DNAI2: variants seen among roughly 807,000 people sequenced by gnomAD.
DNAI2 encodes dynein axonemal intermediate chain 2.
DNAI2 carries 63 observed loss-of-function variants against 74.7 expected under a neutral mutation model. The ratio of observed to expected loss-of-function variants is 0.84; its 90% confidence interval spans 0.69 to 1.04. The LOEUF (loss-of-function observed/expected upper bound fraction) is 1.04. DNAI2 is among the 50% of genes least tolerant of loss of function. The probability of loss-of-function intolerance (pLI) is 0.00; values close to 1 mark genes in which losing one functional copy is unlikely to be tolerated. For missense variants in DNAI2, 688 were observed against 803.2 expected (o/e 0.86, Z 1.73); for synonymous variants, 289 against 314.9 (o/e 0.92, Z 0.87).
rs144344097 is a variant in DNAI2 at position 74,309,705 on chromosome 17, G to T, written c.1348-312G>T. On this transcript the variant is annotated intron_variant, in intron 10 of 13. Coordinates refer to ENST00000311014, the MANE Select transcript of DNAI2 (RefSeq NM_023036.6). ...CCTTCAGAGCCCCTGGGGTTTGGCT[G>T]CTGGACCTTCCCCTTCATGTCAGGG... 453 of 637,516 alleles carry T rather than the reference G, an allele frequency of 7.1e-4. 4 individuals are homozygous for T. In the African/African-American group the frequency reaches 7.3e-3, roughly 10 times the overall value. The allele number at this position is 637,516 out of a possible 1,614,324, so 39.5% of individuals were successfully genotyped here.
chr17:74,298,666 G>A (rs559276153), intron 6 of DNAI2, among the ~76,000 whole-genome samples: 17 of 152,092 alleles, frequency 1.1e-4, no homozygotes, highest in Admixed American at 1.0e-3. Context: ...GTAGTGGCAC[G>A]ATCATGGCTC....
chr17:74,309,278 G>A lies in DNAI2; in HGVS notation c.1237G>A (p.Ala413Thr), dbSNP rs200693763. Residue 413 changes from alanine to threonine, a missense_variant, in exon 10 of 14, where the codon GCT becomes ACT. Physicochemically the swap from Ala to Thr is moderately conservative, Grantham distance 58. Transcript: ENST00000311014. ...GTACCACATGGCTTACCTCACTGAT[G>A]CTGCCTGGAGCCCCGTGAGGCCGAC... The part of the protein sequence containing the change: ...TKYHMAYLTD[A>T]AWSPVRPTVF... The A allele has an allele frequency of 6.2e-7, 1 of 1,614,098 alleles. No individual in the cohort carries two copies. Among genetic ancestry groups the A allele is most frequent in the East Asian group, 2.2e-5 (1 of 44,878 alleles).
rs1336926941 is a variant in DNAI2, at chr17:74,312,073, A to G, written c.1565A>G (p.Lys522Arg). Residue 522 changes from lysine (K) to arginine (R), a missense_variant, in exon 12 of 14, where the codon AAG becomes AGG. By Grantham distance (26) the Lys-to-Arg change is conservative. Coordinates refer to ENST00000311014, the MANE Select transcript of DNAI2 (RefSeq NM_023036.6). ...ARHREMRLKE[K>R]GKAEGRDEEQ... is the part of the protein sequence containing the mutation. ...CACCGGGAGATGCGGCTGAAGGAGAAGGGTAAGGCGGAGGGCAGGGATGAG... is the reference window on the plus strand; with the variant it reads ...CACCGGGAGATGCGGCTGAAGGAGAGGGGTAAGGCGGAGGGCAGGGATGAG... The G allele has an allele frequency of 1.2e-6, 2 of 1,613,046 alleles. No individual in the cohort carries two copies. Among genetic ancestry groups the G allele is most frequent in the Non-Finnish European group, 1.7e-6 (2 of 1,179,858 alleles).
Position 74,291,164 on chromosome 17 carries a change from A to AT in DNAI2, c.724+36dup. On this transcript the variant is annotated intron_variant, in intron 6 of 13. Coordinates refer to ENST00000311014, the MANE Select transcript of DNAI2 (RefSeq NM_023036.6). ...GAGGGACCTAGGCTTTTTTATTTTT[A>AT]TTTTTATTTTTTTTAGATGGAATTT... The AT allele has an allele frequency of 3.3e-6, 5 of 1,527,314 alleles. No homozygotes were observed. In the East Asian group the frequency reaches 9.0e-5, roughly 28 times the overall value. 94.6% of individuals were successfully genotyped at this position (1,527,314 alleles called of 1,614,324 possible).
At chr17:74,287,186 A>G in intron 4 of DNAI2, 88 bp downstream of exon 4, 3 of 1,561,430 alleles carry the variant, frequency 1.9e-6, no homozygotes, top group South Asian at 2.3e-5. Flanking sequence ...CCATCGCTGC[A>G]TGCCCTGGGT....
rs890396642 is a variant in DNAI2, at chr17:74,300,602, A to C, written c.865-444A>C. On this transcript the variant is annotated intron_variant, in intron 7 of 13. Coordinates refer to ENST00000311014, the MANE Select transcript of DNAI2 (RefSeq NM_023036.6). The surrounding 1 kb of genome is among the most constrained non-coding windows in gnomAD (Gnocchi z 4.5). The stretch of plus-strand genomic sequence containing the variant: ...TTCTAATATTTTGTTGCTACCCCCC[A>C]AAAAATACAGCAAAGAGCATCTTTA... 7.2e-5 allele frequency among the ~76,000 whole-genome samples: 11 copies of C among 152,328 alleles called. 1 individual carries two copies. Among genetic ancestry groups the C allele is most frequent in the South Asian group, 2.1e-4 (1 of 4,830 alleles).
intron 8 of DNAI2, among the ~76,000 whole-genome samples, chr17:74,301,923 G>A (rs1352768186): frequency 2.6e-4 from 4 of 15,264 alleles, no homozygotes; most frequent in African/African-American, 5.8e-4. Flanking sequence ...AGGAAGGAAG[G>A]AAGGAAGGAA....
chr17:74,281,631 T>A, intron 1 of DNAI2, 176 bp from the exon 2 acceptor site: 1 of 633,752 alleles, frequency 1.6e-6, no homozygotes, highest in East Asian at 2.7e-5. Flanking sequence ...TAGTCGGCAC[T>A]CAGGATTTTT....
At chr17:74,303,809 TG>T (rs1567867915) in intron 8 of DNAI2, among the ~76,000 whole-genome samples, 2 of 152,080 alleles carry the variant, frequency 1.3e-5, no homozygotes, top group African/African-American at 4.8e-5. Flanking sequence ...TAAAACAATA[TG>T]TTTTTTAAAA....
Position 74,289,475 on chromosome 17 carries a change from C to T in DNAI2, c.468-119C>T, listed in dbSNP as rs1036864422. 4.3e-5 allele frequency: 57 copies of T among 1,337,410 alleles called. No individual in the cohort carries two copies. The African/African-American group carries it at 7.1e-4, about 17-fold the overall frequency. 82.8% of individuals were successfully genotyped at this position (1,337,410 alleles called of 1,614,324 possible). On this transcript the variant is annotated intron_variant, in intron 4 of 13. Coordinates refer to ENST00000311014, the MANE Select transcript of DNAI2 (RefSeq NM_023036.6). Reference sequence around the variant, plus strand: ...CCAGGAGGCAGAGGTTGCAGTGAGCCGAGATTATGCCACTGCCTGGGGGAC... The same window carrying T: ...CCAGGAGGCAGAGGTTGCAGTGAGCTGAGATTATGCCACTGCCTGGGGGAC...
At chr17:74,291,270 C>T (rs2052080377) in intron 6 of DNAI2, 137 bp downstream of exon 6, 1 of 671,774 alleles carries the variant, frequency 1.5e-6, no homozygotes, top group South Asian at 1.7e-5. Flanking sequence ...AAGTGATTCT[C>T]CTGCCTCAGC....
chr17:74,303,895 G>A (rs537248899), intron 8 of DNAI2, among the ~76,000 whole-genome samples: 1 of 152,142 alleles, frequency 6.6e-6, no homozygotes, highest in Non-Finnish European at 1.5e-5. Flanking sequence ...GGAAGCCGAT[G>A]TGTGCAGATC....
chr17:74,293,845 G>A (rs1004255428), intron 6 of DNAI2, among the ~76,000 whole-genome samples: 2 of 151,888 alleles, frequency 1.3e-5, no homozygotes, highest in African/African-American at 2.4e-5. Context: ...GTGCAGTGGC[G>A]TGATCTCGGC....
In DNAI2 at chr17:74,313,521, T is replaced by C. The variant is rs1007057947; in HGVS notation, c.1723-600T>C. ...AGGCAAAGATGACACTGGCCACCTT[T>C]TACAACGCAATGGTGGCTGGTAGGC... is the stretch of plus-strand genomic sequence containing the variant. On this transcript the variant is annotated intron_variant, in intron 12 of 13. Coordinates refer to ENST00000311014, the MANE Select transcript of DNAI2 (RefSeq NM_023036.6). 3.9e-5 allele frequency among the ~76,000 whole-genome samples: 6 copies of C among 152,124 alleles called. No homozygotes were observed. In the East Asian group the frequency reaches 1.2e-3, roughly 29 times the overall value.
rs1356199926 is a variant in DNAI2, at chr17:74,314,853, C to T, written c.*320C>T. The T allele has an allele frequency of 6.0e-6, 1 of 165,654 alleles. No individual in the cohort carries two copies. Among genetic ancestry groups the T allele is most frequent in the Non-Finnish European group, 1.3e-5 (1 of 74,256 alleles). The allele number at this position is 165,654 out of a possible 1,614,324, so 10.3% of individuals were successfully genotyped here. On this transcript the variant is annotated 3_prime_UTR_variant, in exon 14 of 14. Coordinates refer to ENST00000311014, the MANE Select transcript of DNAI2 (RefSeq NM_023036.6). ...CTGAATGCTTTCTGTTATCCTAATT[C>T]TTGTAAAATTAAATGAATCGTAACA...
chr17:74,301,981 AGG>A (rs2052845427), intron 8 of DNAI2, among the ~76,000 whole-genome samples: 1 of 40,048 alleles, frequency 2.5e-5, no homozygotes. Context: ...GAAGGAAGGA[AGG>A]AAGGAAGGAA....
In DNAI2 at chr17:74,314,572, C is replaced by T. The variant is rs1427021591; in HGVS notation, c.*56-17C>T. 6.2e-6 allele frequency: 2 copies of T among 320,070 alleles called. No homozygotes were observed. Among genetic ancestry groups the T allele is most frequent in the South Asian group, 2.7e-5 (1 of 36,428 alleles). The allele number at this position is 320,070 out of a possible 1,614,324, so 19.8% of individuals were successfully genotyped here. A position where few individuals can be genotyped will look rare whatever the true frequency, so the allele number is the denominator to read the frequency against. On this transcript the variant is annotated splice_polypyrimidine_tract_variant and intron_variant, in intron 13 of 13. Coordinates refer to ENST00000311014, the MANE Select transcript of DNAI2 (RefSeq NM_023036.6). ...TCACAGGCTCCCCAGCAATCATTTT[C>T]GTTTGTAACCTTGCAGACCCTCAAC...
chr17:74,310,100 C>G lies in DNAI2; in HGVS notation c.1431C>G (p.Thr477=), dbSNP rs144035254. The G allele has an allele frequency of 9.8e-4, 1,577 of 1,613,878 alleles. 12 individuals carry two copies. The African/African-American group carries it at 0.018, about 19-fold the overall frequency. The change falls in exon 11 of 14, where the codon ACC becomes ACG. Residue 477 remains threonine (T), a synonymous_variant. Coordinates refer to ENST00000311014, the MANE Select transcript of DNAI2 (RefSeq NM_023036.6). ...GCGGCTCCCAGCTGGGGACAACCAC[C>G]CTGCTGGAGGTCTCGCCTGGGCTCT... ...IACGSQLGTT[T]LLEVSPGLST... is the part of the protein sequence containing the mutation.
At chr17:74,284,736 C>G (rs1289797353) in intron 2 of DNAI2, among the ~76,000 whole-genome samples, 1 of 152,162 alleles carries the variant, frequency 6.6e-6, no homozygotes, top group South Asian at 2.1e-4. Context: ...TCTTTGGATT[C>G]TCACAGAGCA....
Sources: gnomAD v4.1 joint callset for allele counts (sites outside exome capture counted in the v4.1 genomes callset) on GRCh38, gnomAD v4.1.1 for gene constraint, Gnocchi (gnomAD v3.1) non-coding constraint, MANE v1.5 for transcripts, NCBI Gene and HGNC (gene_info 2026-07-23, HGNC 2026-07-21) for gene names.